The following INSRR variants were observed in gnomAD, a reference collection of about 807,000 sequenced individuals.
The protein encoded by INSRR is insulin receptor-related protein.
In INSRR, 114 loss-of-function variants were observed where a neutral mutation model predicts 130.0. That is an observed-to-expected ratio of 0.88 (90% CI 0.75 to 1.02). The LOEUF (loss-of-function observed/expected upper bound fraction) is 1.02. Among genes scored for constraint, INSRR ranks in the 50% least tolerant of loss-of-function variants. INSRR has a pLI of 0.00. For synonymous variants in INSRR, 674 were observed against 705.2 expected (o/e 0.96, Z 0.70); for missense variants, 1,657 against 1,735.2 (o/e 0.95, Z 0.80).
Position 156,840,721 on chromosome 1 carries a change from C to G in INSRR, c.*152G>C, listed in dbSNP as rs1654741661. 3.0e-6 allele frequency: 2 copies of G among 658,506 alleles called. No homozygotes were observed. The highest frequency in any genetic ancestry group is 5.4e-6 in the Non-Finnish European group (2 of 370,264). 40.8% of individuals were successfully genotyped at this position (658,506 alleles called of 1,614,324 possible). On this transcript the variant is annotated 3_prime_UTR_variant, in exon 22 of 22. Transcript: ENST00000368195. ...CTATGGTGAGACCCCTCTGCCCACC[C>G]CCACAGCCTTCCCTGCTCCTGTTCT...
rs1655503374 is a variant in INSRR, at chr1:156,858,815, G to GCTCC, written c.-195_-194insGGAG. ...GAAATGAGAGTCACAGAGACACAAA[G>GCTCC]ACAGTGACAGGCAGTTGGAGACAGA... is the stretch of plus-strand genomic sequence containing the variant. On this transcript the variant is annotated 5_prime_UTR_variant, in exon 1 of 22. It introduces an in-frame stop codon into an upstream open reading frame of the 5' UTR. Coordinates refer to ENST00000368195, the MANE Select transcript of INSRR (RefSeq NM_014215.3). The GCTCC allele has an allele frequency of 1.7e-6, 1 of 603,740 alleles. No individual in the cohort carries two copies. Among genetic ancestry groups the GCTCC allele is most frequent in the Non-Finnish European group, 3.0e-6 (1 of 336,930 alleles). 37.4% of individuals were successfully genotyped at this position (603,740 alleles called of 1,614,324 possible).
rs764071681 is a variant in INSRR, at chr1:156,845,276, C to G, written c.2237G>C (p.Arg746Pro). ...SPQRDSGRHR[R>P]AAGPLRLGGN... Reference sequence around the variant, plus strand: ...CCCCAGCCGGAGGGGCCCAGCTGCCCGGCGGTGCCGCCCTGAGTCCCTGGG... The same window carrying G: ...CCCCAGCCGGAGGGGCCCAGCTGCCGGGCGGTGCCGCCCTGAGTCCCTGGG... Residue 746 changes from arginine (R) to proline (P), a missense_variant, in exon 12 of 22, where the codon CGG (arginine) becomes CCG (proline). Transcript: ENST00000368195. 1 of 1,612,386 alleles carries G rather than the reference C, an allele frequency of 6.2e-7. No homozygotes were observed. The highest frequency in any genetic ancestry group is 1.7e-5 in the Admixed American group (1 of 59,838).
rs746257691 is a variant in INSRR, at chr1:156,844,310, G to C, written c.2738-30C>G. On this transcript the variant is annotated intron_variant, in intron 14 of 21. Coordinates refer to ENST00000368195, the MANE Select transcript of INSRR (RefSeq NM_014215.3). ...CAGTCAGAGGGCAGCAGAGGGTAGA[G>C]TCAAAGATGTAGAAGTCAGAGGGAA... is the stretch of plus-strand genomic sequence containing the variant. 6.3e-6 allele frequency: 10 copies of C among 1,589,662 alleles called. No homozygotes were observed. The South Asian group carries it at 1.1e-4, about 18-fold the overall frequency.
chr1:156,848,851 T>A (rs1571665427), intron 7 of INSRR, 70 bp downstream of exon 7: 1 of 1,514,878 alleles, frequency 6.6e-7, no homozygotes, highest in East Asian at 2.5e-5. Flanking sequence ...CGCCCTCACC[T>A]GCCTGTGGTC....
intron 8 of INSRR, 93 bp downstream of exon 8, chr1:156,846,426 C>T: frequency 1.9e-6 from 2 of 1,039,292 alleles, no homozygotes; most frequent in African/African-American, 1.6e-5. Context: ...GCCAGGTGTT[C>T]AGTGCCCCGG....
Position 156,842,103 on chromosome 1 carries a change from C to A in INSRR, c.3397+9G>T. ...CAGGCCGCCCTCATCTGCCTGGCACCCTCTGTACCCCCGATCTTGACGGTG... is the reference window on the plus strand; with the variant it reads ...CAGGCCGCCCTCATCTGCCTGGCACACTCTGTACCCCCGATCTTGACGGTG... On this transcript the variant is annotated intron_variant, in intron 19 of 21. Coordinates refer to ENST00000368195, the MANE Select transcript of INSRR (RefSeq NM_014215.3). The A allele has an allele frequency of 6.2e-7, 1 of 1,613,868 alleles. No individual in the cohort carries two copies. The highest frequency in any genetic ancestry group is 1.1e-5 in the South Asian group (1 of 90,994).
At chr1:156,848,073 C>A (rs115594142) in intron 7 of INSRR, among the ~76,000 whole-genome samples, 1 of 151,972 alleles carries the variant, frequency 6.6e-6, no homozygotes, top group Non-Finnish European at 1.5e-5. Context: ...CAGTGGGGGG[C>A]GAGGCCCAGG....
rs549652989 is a variant in INSRR, at chr1:156,849,262, G to A, written c.1428C>T (p.Asn476=). Residue 476 remains asparagine (N), a synonymous_variant, in exon 6 of 22, where the codon AAC becomes AAT. Transcript: ENST00000368195. ...QNKAEINPRT[N]GDRAACQTRT... ...GGGTCTCACAGGCGGCGCGGTCTCC[G>A]TTGGTGCGGGGGTTGATCTCAGCCT... The A allele has an allele frequency of 2.7e-5, 44 of 1,613,932 alleles. No homozygotes were observed. In the South Asian group the frequency reaches 4.8e-4, roughly 18 times the overall value.
intron 1 of INSRR, among the ~76,000 whole-genome samples, chr1:156,857,297 A>C (rs1031780818): frequency 2.0e-5 from 3 of 152,124 alleles, no homozygotes; most frequent in South Asian, 2.1e-4. Context: ...GGCAAAAGCC[A>C]ATCAGGCTCT....
At position 156,854,034 on chromosome 1, in the gene INSRR, C is replaced by A; in HGVS notation, c.355G>T (p.Glu119Ter). The part of the protein sequence containing the change: ...LFLGYALVIF[E>*]MPHLRDVALP... ...GCCACGTCACGCAGATGTGGCATCT[C>A]AAAGATGACCAGTGCATAGCCCAGG... The change falls in exon 2 of 22, where the codon GAG becomes TAG. Residue 119 changes from glutamate (E) to a stop codon, truncating the protein, a stop_gained. Coordinates refer to ENST00000368195, the MANE Select transcript of INSRR (RefSeq NM_014215.3). LOFTEE classifies it high-confidence loss of function. The surrounding 1 kb of genome is among the most constrained non-coding windows in gnomAD (Gnocchi z 4.2). The A allele has an allele frequency of 6.2e-7, 1 of 1,614,094 alleles. No individual in the cohort carries two copies.
rs1188702401 is a variant in INSRR at position 156,843,134 on chromosome 1, C to T, written c.2996G>A (p.Arg999Gln). ...SFGMVYEGLA[R>Q]GLEAGEESTP... ...GGACTCCTCTCCAGCCTCAAGTCCTCGTGCCAGCCCCTCATATACCATCCC... is the reference window on the plus strand; with the variant it reads ...GGACTCCTCTCCAGCCTCAAGTCCTTGTGCCAGCCCCTCATATACCATCCC... Residue 999 changes from arginine to glutamine, a missense_variant, in exon 17 of 22, where the codon CGA (arginine) becomes CAA (glutamine). By Grantham distance (43) the Arg-to-Gln change is conservative. Coordinates refer to ENST00000368195, the MANE Select transcript of INSRR (RefSeq NM_014215.3). The T allele has an allele frequency of 1.4e-5, 22 of 1,614,012 alleles. No individual in the cohort carries two copies. Among genetic ancestry groups the T allele is most frequent in the South Asian group, 2.2e-5 (2 of 91,080 alleles).
Position 156,846,554 on chromosome 1 carries a change from TGGGCTCCTTGATGA to T in INSRR, c.1761_1774del (p.His588GlufsTer63). 1 of 1,614,210 alleles carries T rather than the reference TGGGCTCCTTGATGA, an allele frequency of 6.2e-7. No individual in the cohort carries two copies. Among genetic ancestry groups the T allele is most frequent in the Non-Finnish European group, 8.5e-7 (1 of 1,180,028 alleles). Reference sequence around the variant, plus strand: ...CGTTCGGAGGTAGACGATGGGACTCTGGGCTCCTTGATGAGGGCTGTCCTCCTCAGTGGTTAGCG... The same window carrying T: ...CGTTCGGAGGTAGACGATGGGACTCTGGGCTGTCCTCCTCAGTGGTTAGCG... On this transcript the variant is annotated frameshift_variant, in exon 8 of 22. Transcript: ENST00000368195. LOFTEE classifies it high-confidence loss of function.
In INSRR at chr1:156,842,990, TG is replaced by T. The variant is rs756351325; in HGVS notation, c.3126+13del. On this transcript the variant is annotated intron_variant, in intron 17 of 21. Transcript: ENST00000368195. ...CTAATTATGACCCTGACAATGCCCTTGGCTCTCCCTTACCACATGGTGACAC... is the reference window on the plus strand; with the variant it reads ...CTAATTATGACCCTGACAATGCCCTTGCTCTCCCTTACCACATGGTGACAC... The T allele has an allele frequency of 6.3e-7, 1 of 1,595,944 alleles. No individual in the cohort carries two copies. Among genetic ancestry groups the T allele is most frequent in the South Asian group, 1.1e-5 (1 of 90,564 alleles).
Position 156,840,699 on chromosome 1 carries a change from T to C in INSRR, c.*174A>G, listed in dbSNP as rs529682178. On this transcript the variant is annotated 3_prime_UTR_variant, in exon 22 of 22. Coordinates refer to ENST00000368195, the MANE Select transcript of INSRR (RefSeq NM_014215.3). ...GGACTCAGAGTCTGAGAAACTCCTA[T>C]GGTGAGACCCCTCTGCCCACCCCCA... 4 of 623,246 alleles carry C rather than the reference T, an allele frequency of 6.4e-6. No homozygotes were observed. Among genetic ancestry groups the C allele is most frequent in the Middle Eastern group, 4.3e-4 (1 of 2,310 alleles). The allele number at this position is 623,246 out of a possible 1,614,324, so 38.6% of individuals were successfully genotyped here. A position where few individuals can be genotyped will look rare whatever the true frequency, so the allele number is the denominator to read the frequency against.
At chr1:156,845,516 C>T in intron 10 of INSRR, 103 bp from the exon 11 acceptor site, 1 of 1,480,064 alleles carries the variant, frequency 6.8e-7, no homozygotes, top group South Asian at 1.4e-5. Flanking sequence ...GGGACCCGCC[C>T]ACACAAGCAA....
At position 156,848,793 on chromosome 1, in the gene INSRR, C is replaced by T. The variant is rs1655096496; in HGVS notation, c.1571+128G>A. ...CAGACCTGGGCCCTACCACGGAGTA[C>T]AACTTGCGGGTCCTGGCTTCCTGGG... is the stretch of plus-strand genomic sequence containing the variant. On this transcript the variant is annotated intron_variant, in intron 7 of 21. Coordinates refer to ENST00000368195, the MANE Select transcript of INSRR (RefSeq NM_014215.3). 5 of 1,149,908 alleles carry T rather than the reference C, an allele frequency of 4.3e-6. No homozygotes were observed. The East Asian group carries it at 1.3e-4, about 30-fold the overall frequency. 71.2% of individuals were successfully genotyped at this position (1,149,908 alleles called of 1,614,324 possible).
At chr1:156,852,814 G>A (rs1159783246) in intron 2 of INSRR, among the ~76,000 whole-genome samples, 3 of 152,170 alleles carry the variant, frequency 2.0e-5, no homozygotes, top group African/African-American at 4.8e-5. Flanking sequence ...GAGAGGATGC[G>A]CAGCAGCTGT....
In INSRR at chr1:156,845,765, G is replaced by A; in HGVS notation, c.2028C>T (p.Asp676=). The change falls in exon 10 of 22, where the codon GAC becomes GAT. Residue 676 remains aspartate (D), a synonymous_variant. Transcript: ENST00000368195. ...ACTCCATCTCGGCCTCAGGATCCCC[G>A]TCTTCGCCGTCGAAGCGCGGATCGT... The part of the protein sequence containing the change: ...SNNDPRFDGE[D]GDPEAEMESD... The A allele has an allele frequency of 6.2e-7, 1 of 1,613,308 alleles. No homozygotes were observed. The highest frequency in any genetic ancestry group is 8.5e-7 in the Non-Finnish European group (1 of 1,179,920).
intron 5 of INSRR, 33 bp from the exon 6 acceptor site, chr1:156,849,493 GA>G: frequency 6.0e-6 from 6 of 991,750 alleles, no homozygotes; most frequent in African/African-American, 1.6e-5. Context: ...GCTCTGCGGG[GA>G]GGTGGGGGCA....
Sources: allele counts gnomAD v4.1 joint callset (sites outside exome capture counted in the v4.1 genomes callset), GRCh38; gene constraint gnomAD v4.1.1; non-coding constraint Gnocchi (gnomAD v3.1); transcripts MANE v1.5; gene names NCBI Gene and HGNC (gene_info 2026-07-23, HGNC 2026-07-21).